RGS17: variants seen among roughly 807,000 people sequenced by gnomAD.
RGS17 encodes regulator of G protein signaling 17, also known as regulator of G-protein signaling 17.
Under a neutral mutation model 25.5 loss-of-function variants are expected in RGS17, and 12 were observed. The observed-to-expected ratio is 0.47, with a 90% CI of 0.30 to 0.76. The LOEUF is 0.76. Among genes scored for constraint, RGS17 ranks in the 30% least tolerant of loss-of-function variants. The probability of loss-of-function intolerance (pLI) is 0.07; values close to 1 mark genes in which losing one functional copy is unlikely to be tolerated. For synonymous variants in RGS17, 71 were observed against 76.9 expected, an observed-to-expected ratio of 0.92 and a Z score of 0.40; for missense variants, 196 against 242.2, an observed-to-expected ratio of 0.81 and a Z score of 1.27.
intron 2 of RGS17, among the ~76,000 whole-genome samples, chr6:153,028,010 G>A (rs1779321436): frequency 8.5e-5 from 13 of 152,144 alleles, no homozygotes; most frequent in Admixed American, 8.5e-4. Flanking sequence ...GGAGCAAAGG[G>A]AAATATTAAT....
chr6:153,020,089 T>C (rs1779223972), intron 4 of RGS17, among the ~76,000 whole-genome samples: 2 of 101,814 alleles, frequency 2.0e-5, no homozygotes, highest in South Asian at 6.8e-4. Context: ...ACCTCCTAAT[T>C]GCAAATATCT....
chr6:153,105,259 AGTT>A (rs1287561482), intron 1 of RGS17, among the ~76,000 whole-genome samples: 1 of 152,092 alleles, frequency 6.6e-6, no homozygotes, highest in Non-Finnish European at 1.5e-5. Context: ...CCTGCCATGT[AGTT>A]GTTGTTCTGT....
chr6:153,020,124 A>G (rs1384522687), intron 4 of RGS17, among the ~76,000 whole-genome samples: 1 of 92,258 alleles, frequency 1.1e-5, no homozygotes, highest in Admixed American at 1.4e-4. Context: ...ATATATATAT[A>G]TATATATATA....
intron 2 of RGS17, among the ~76,000 whole-genome samples, chr6:153,027,073 C>T (rs1190582666): frequency 1.3e-5 from 2 of 152,056 alleles, no homozygotes; most frequent in African/African-American, 2.4e-5. Context: ...AATCAAGCTA[C>T]CGGATTTATA....
At chr6:153,085,210 A>G (rs17083512) in intron 1 of RGS17, among the ~76,000 whole-genome samples, 9,752 of 152,196 alleles carry the variant, frequency 0.064, 855 homozygotes, top group South Asian at 0.26. Flanking sequence ...AATTTCCATG[A>G]TTGACTTAGC....
rs112289739 is a variant in RGS17 at position 153,129,930 on chromosome 6, C to G, written c.-26+1194G>C. On this transcript the variant is annotated intron_variant, in intron 1 of 4. Transcript: ENST00000206262. Reference sequence around the variant, plus strand: ...TCCGGGCGAGGCGCAGGGCTCAGGGCGCAGGGCGGGTCCCGTACGCAGGGC... The same window carrying G: ...TCCGGGCGAGGCGCAGGGCTCAGGGGGCAGGGCGGGTCCCGTACGCAGGGC... 2.0e-5 allele frequency among the ~76,000 whole-genome samples: 3 copies of G among 152,238 alleles called. No individual in the cohort carries two copies. The South Asian group carries it at 6.2e-4, about 32-fold the overall frequency.
At chr6:153,129,755 G>T (rs1423080204) in intron 1 of RGS17, among the ~76,000 whole-genome samples, 1 of 152,240 alleles carries the variant, frequency 6.6e-6, no homozygotes, top group Non-Finnish European at 1.5e-5. Context: ...ACTCTGAAGA[G>T]TGTGAAGTTC....
At chr6:153,053,179 G>A (rs754724431) in intron 1 of RGS17, among the ~76,000 whole-genome samples, 1 of 152,158 alleles carries the variant, frequency 6.6e-6, no homozygotes, top group Non-Finnish European at 1.5e-5. Context: ...ATTGTTATAT[G>A]TTAATATATA....
intron 2 of RGS17, among the ~76,000 whole-genome samples, chr6:153,038,059 T>C (rs990595382): frequency 2.0e-5 from 3 of 152,274 alleles, no homozygotes; most frequent in African/African-American, 4.8e-5. Flanking sequence ...CAGACATAGA[T>C]AGTCCTCACT....
chr6:153,101,842 G>A (rs535140349), intron 1 of RGS17, among the ~76,000 whole-genome samples: 124 of 151,954 alleles, frequency 8.2e-4, no homozygotes, highest in Non-Finnish European at 1.5e-3. Flanking sequence ...TTGTTTCCCC[G>A]TCACCTTCTG....
intron 2 of RGS17, among the ~76,000 whole-genome samples, chr6:153,043,428 T>A (rs1443577802): frequency 1.3e-5 from 2 of 151,544 alleles, no homozygotes; most frequent in African/African-American, 4.8e-5. Context: ...TACCCTGACT[T>A]ACAGTTATCT....
chr6:153,026,489 A>G lies in RGS17; in HGVS notation c.174T>C (p.Thr58=), dbSNP rs201455256. 28 of 1,613,132 alleles carry G rather than the reference A, an allele frequency of 1.7e-5. No individual in the cohort carries two copies. Among genetic ancestry groups the G allele is most frequent in the Non-Finnish European group, 2.3e-5 (27 of 1,179,318 alleles). Residue 58 remains threonine, a synonymous_variant, in exon 3 of 5, where the codon ACT becomes ACC. Transcript: ENST00000206262. ...RGENAGRPTH[T]TKMESIQVLE... ...GGACCTGGATACTCTCCATTTTTGT[A>G]GTGTGTGTGGGTCTTCCCGCATTTT...
chr6:153,109,901 T>A (rs534085576), intron 1 of RGS17, among the ~76,000 whole-genome samples: 2 of 152,368 alleles, frequency 1.3e-5, no homozygotes, highest in East Asian at 3.9e-4. Context: ...GGTGCCTGAA[T>A]AATCAAAATT....
At chr6:153,029,348 A>T (rs528781479) in intron 2 of RGS17, among the ~76,000 whole-genome samples, 2 of 152,200 alleles carry the variant, frequency 1.3e-5, no homozygotes, top group Non-Finnish European at 2.9e-5. Flanking sequence ...AGTTAAAGAG[A>T]AATGGAGAAA....
chr6:153,093,526 C>T (rs933418583), intron 1 of RGS17, among the ~76,000 whole-genome samples: 2 of 152,194 alleles, frequency 1.3e-5, no homozygotes, highest in African/African-American at 4.8e-5. Flanking sequence ...AGGGACTCAA[C>T]TCCTGATTAT....
At chr6:153,043,669 A>AT (rs928942593) in intron 2 of RGS17, among the ~76,000 whole-genome samples, 7 of 151,792 alleles carry the variant, frequency 4.6e-5, no homozygotes, top group South Asian at 2.1e-4. Flanking sequence ...ACACCTCTTC[A>AT]TTTTTTTTAC....
At chr6:153,126,867 G>A (rs927967618) in intron 1 of RGS17, among the ~76,000 whole-genome samples, 5 of 152,190 alleles carry the variant, frequency 3.3e-5, no homozygotes, top group African/African-American at 4.8e-5. Flanking sequence ...TCACTAAATC[G>A]CATTAAAAAT....
chr6:153,047,432 T>G (rs1270620979), intron 1 of RGS17, among the ~76,000 whole-genome samples: 1 of 152,216 alleles, frequency 6.6e-6, no homozygotes, highest in South Asian at 2.1e-4. Flanking sequence ...GTCCGCATAT[T>G]ATTAAGTCCA....
chr6:153,102,534 G>A (rs1038585465), intron 1 of RGS17, among the ~76,000 whole-genome samples: 4 of 152,100 alleles, frequency 2.6e-5, no homozygotes, highest in Non-Finnish European at 5.9e-5. Context: ...GGAGGGACCT[G>A]GTGAGAGGTG....
Sources: gnomAD v4.1 joint callset for allele counts (sites outside exome capture counted in the v4.1 genomes callset) on GRCh38, gnomAD v4.1.1 for gene constraint, MANE v1.5 for transcripts, NCBI Gene and HGNC (gene_info 2026-07-23, HGNC 2026-07-21) for gene names.